Variants in TXLNB observed in about 807,000 individuals in gnomAD.
TXLNB encodes taxilin beta, also known as beta-taxilin.
TXLNB carries 37 observed loss-of-function variants against 57.4 expected under a neutral mutation model. That is an observed-to-expected ratio of 0.64 (90% confidence interval 0.50 to 0.85). TXLNB has a LOEUF of 0.85. Among genes scored for constraint, TXLNB ranks in the 40% least tolerant of loss-of-function variants. TXLNB has a pLI of 0.00. For synonymous variants in TXLNB, 302 were observed against 309.6 expected (o/e 0.98, Z 0.26); for missense variants, 848 against 825.6 (o/e 1.03, Z -0.33).
rs1692258137 is a variant in TXLNB at position 139,242,973 on chromosome 6, G to A, written c.1608C>T (p.Ala536=). Residue 536 remains alanine (A), a synonymous_variant, in exon 10 of 10, where the codon GCC becomes GCT. Coordinates refer to ENST00000358430, the MANE Select transcript of TXLNB (RefSeq NM_153235.4). Reference sequence around the variant, plus strand: ...GGGGTTGCTCTGGCTCCTTGAGAGCGGCGTCAGCACTCTCCTGAGAACTGC... The same window carrying A: ...GGGGTTGCTCTGGCTCCTTGAGAGCAGCGTCAGCACTCTCCTGAGAACTGC... ...EIGSSQESAD[A]ALKEPEQPPL... 1.9e-6 allele frequency: 3 copies of A among 1,614,160 alleles called. No individual in the cohort carries two copies. The South Asian group carries it at 3.3e-5, about 18-fold the overall frequency.
At chr6:139,315,555 T>C in the TXLNB span, among the ~76,000 whole-genome samples, 2 of 152,264 alleles carry the variant, frequency 1.3e-5, no homozygotes, top group African/African-American at 4.8e-5. Context: ...TGGCTGCGAA[T>C]AGTACTCATA....
downstream of TXLNB, among the ~76,000 whole-genome samples, chr6:139,236,763 C>A: frequency 6.6e-6 from 1 of 152,142 alleles, no homozygotes; most frequent in Non-Finnish European, 1.5e-5. Context: ...TGCCACCACA[C>A]CTGGCTAATT....
upstream of TXLNB, among the ~76,000 whole-genome samples, chr6:139,295,190 C>T (rs1583036756): frequency 6.6e-6 from 1 of 152,236 alleles, no homozygotes; most frequent in East Asian, 1.9e-4. Flanking sequence ...AGATCCAAAA[C>T]AGGCATATGC....
the TXLNB span, among the ~76,000 whole-genome samples, chr6:139,204,460 T>C: frequency 1.3e-5 from 2 of 152,168 alleles, no homozygotes; most frequent in Non-Finnish European, 2.9e-5. Context: ...CATCCCTAAC[T>C]ATATCTCATA....
the TXLNB span, chr6:139,180,925 A>G: frequency 6.6e-6 from 1 of 152,310 alleles, no homozygotes; most frequent in African/African-American, 2.4e-5. Flanking sequence ...TCAGGTAACC[A>G]TTTCAAAGTC....
At position 139,270,530 on chromosome 6, in the gene TXLNB, T is replaced by C; in HGVS notation, c.613A>G (p.Ser205Gly). Residue 205 changes from serine to glycine, a missense_variant, in exon 4 of 10, where the codon AGC becomes GGC. Physicochemically the swap from Ser to Gly is moderately conservative, Grantham distance 56. Transcript: ENST00000358430. ...KEKDQLQGEH[S>G]RAILARSKLE... Reference sequence around the variant, plus strand: ...TTGCTTCGAGCGAGGATAGCTCTGCTGTGTTCACCTTGTAACTGGTCCTTT... The same window carrying C: ...TTGCTTCGAGCGAGGATAGCTCTGCCGTGTTCACCTTGTAACTGGTCCTTT... 6.2e-7 allele frequency: 1 copy of C among 1,614,238 alleles called. No homozygotes were observed. The highest frequency in any genetic ancestry group is 8.5e-7 in the Non-Finnish European group (1 of 1,180,034).
intron 2 of TXLNB, among the ~76,000 whole-genome samples, chr6:139,286,334 C>T (rs533867562): frequency 1.3e-5 from 2 of 150,222 alleles, no homozygotes; most frequent in South Asian, 4.3e-4. Flanking sequence ...TCTGCTTATT[C>T]CTCTTTCCCT....
chr6:139,297,612 A>G, the TXLNB span, among the ~76,000 whole-genome samples: 2 of 152,154 alleles, frequency 1.3e-5, no homozygotes, highest in South Asian at 2.1e-4. Flanking sequence ...TACTTGGGCT[A>G]TATTTTAATT....
chr6:139,270,451 C>T lies in TXLNB; in HGVS notation c.687+5G>A. On this transcript the variant is annotated splice_donor_5th_base_variant and intron_variant, in intron 4 of 9. Coordinates refer to ENST00000358430, the MANE Select transcript of TXLNB (RefSeq NM_153235.4). ...ATTATGTTATTCTGAGGCATGGGGA[C>T]ATACCTTCAGAGTCTTGTTGTGTCT... 6.2e-7 allele frequency: 1 copy of T among 1,612,534 alleles called. No homozygotes were observed. The highest frequency in any genetic ancestry group is 2.2e-5 in the East Asian group (1 of 44,850).
Position 139,284,229 on chromosome 6 carries a change from T to C in TXLNB, c.424+4247A>G, listed in dbSNP as rs539801501. Among the ~76,000 whole-genome samples the C allele has an allele frequency of 8.9e-5, 13 of 145,714 alleles. 2 individuals are homozygous for C. The East Asian group carries it at 1.8e-3, about 20-fold the overall frequency. On this transcript the variant is annotated intron_variant, in intron 2 of 9. Coordinates refer to ENST00000358430, the MANE Select transcript of TXLNB (RefSeq NM_153235.4). ...CACAGTGCATCATAAAGACTAGGCATTAATAAATACTCATTGTGGGCCGGG... is the reference window on the plus strand; with the variant it reads ...CACAGTGCATCATAAAGACTAGGCACTAATAAATACTCATTGTGGGCCGGG...
At position 139,270,418 on chromosome 6, in the gene TXLNB, T is replaced by C. The variant is rs774301336; in HGVS notation, c.687+38A>G. 13 of 1,582,778 alleles carry C rather than the reference T, an allele frequency of 8.2e-6. No individual in the cohort carries two copies. In the South Asian group the frequency reaches 1.5e-4, roughly 18 times the overall value. ...AGCAGAGGCCTGTCTCTGTGCCCCA[T>C]TCAAGAAATTATGTTATTCTGAGGC... On this transcript the variant is annotated intron_variant, in intron 4 of 9. Coordinates refer to ENST00000358430, the MANE Select transcript of TXLNB (RefSeq NM_153235.4).
intron 3 of TXLNB, among the ~76,000 whole-genome samples, chr6:139,276,267 T>C (rs1364494432): frequency 6.6e-6 from 1 of 152,230 alleles, no homozygotes; most frequent in African/African-American, 2.4e-5. Context: ...TATGTCAATA[T>C]ACCTAAAAAT....
the TXLNB span, among the ~76,000 whole-genome samples, chr6:139,222,312 CTTATATCATGT>C: frequency 2.0e-5 from 3 of 152,102 alleles, no homozygotes; most frequent in African/African-American, 4.8e-5. Context: ...TTTATATCAG[CTTATATCATGT>C]TTATATCATG....
At chr6:139,249,949 G>A (rs57493693) in intron 7 of TXLNB, among the ~76,000 whole-genome samples, 56,001 of 151,778 alleles carry the variant, frequency 0.37, 12,628 homozygotes, top group African/African-American at 0.64. Flanking sequence ...TACACACACA[G>A]AGAGACACAC....
chr6:139,190,761 T>G, the TXLNB span, among the ~76,000 whole-genome samples: 1 of 152,124 alleles, frequency 6.6e-6, no homozygotes, highest in African/African-American at 2.4e-5. Context: ...GCCCCACCCC[T>G]TCTGTTGTTT....
intron 7 of TXLNB, among the ~76,000 whole-genome samples, chr6:139,251,967 C>T (rs1380640251): frequency 1.3e-5 from 2 of 152,224 alleles, no homozygotes; most frequent in Non-Finnish European, 1.5e-5. Context: ...TAGTATTTTG[C>T]GTCCACATCA....
chr6:139,207,763 A>T, the TXLNB span, among the ~76,000 whole-genome samples: 1 of 151,924 alleles, frequency 6.6e-6, no homozygotes, highest in East Asian at 1.9e-4. Flanking sequence ...AAGAGAGAAG[A>T]TCCAATCTAG....
chr6:139,304,402 T>C, the TXLNB span, among the ~76,000 whole-genome samples: 2 of 152,044 alleles, frequency 1.3e-5, no homozygotes. Context: ...TGCAAAGAAA[T>C]AGGAAGAAAT....
chr6:139,226,302 CAAAAAAA>C, the TXLNB span, among the ~76,000 whole-genome samples: 9 of 39,246 alleles, frequency 2.3e-4, no homozygotes, highest in Admixed American at 9.5e-4. Flanking sequence ...GACCCTGTCT[CAAAAAAA>C]AAAAAAAAAA....
Sources: allele counts gnomAD v4.1 joint callset (sites outside exome capture counted in the v4.1 genomes callset), GRCh38; gene constraint gnomAD v4.1.1; transcripts MANE v1.5; gene names NCBI Gene and HGNC (gene_info 2026-07-23, HGNC 2026-07-21).